The following FAM227A variants were observed in gnomAD, a reference collection of about 807,000 sequenced individuals.
The protein encoded by FAM227A is family with sequence similarity 227 member A, also known as protein FAM227A.
Under a neutral mutation model 74.7 loss-of-function variants are expected in FAM227A, and 80 were observed. The observed-to-expected ratio is 1.07, with a 90% CI of 0.89 to 1.29. The LOEUF (loss-of-function observed/expected upper bound fraction) is 1.29. FAM227A is among the 50% of genes most tolerant of loss of function. The pLI is 0.00. For synonymous variants in FAM227A, 237 were observed against 241.8 expected (o/e 0.98, Z 0.19); for missense variants, 654 against 683.4 (o/e 0.96, Z 0.48).
intron 13 of FAM227A, among the ~76,000 whole-genome samples, chr22:38,602,259 C>T (rs1408752527): frequency 6.6e-6 from 1 of 152,202 alleles, no homozygotes; most frequent in East Asian, 1.9e-4. Context: ...CTCCTGTGCA[C>T]TGTAGGATGC....
chr22:38,643,329 TAGTG>T (rs139669378), intron 3 of FAM227A, among the ~76,000 whole-genome samples: 44,338 of 147,120 alleles, frequency 0.3, 6,530 homozygotes, highest in East Asian at 0.36. Context: ...AAAAAAAAAA[TAGTG>T]GGTGGGGGTT....
chr22:38,647,125 T>G (rs2092253563), intron 2 of FAM227A, among the ~76,000 whole-genome samples: 1 of 146,070 alleles, frequency 6.8e-6, no homozygotes, highest in Non-Finnish European at 1.5e-5. Context: ...CTCCAGCCCG[T>G]GCGATGGTGC....
At chr22:38,635,122 T>C (rs2091978031) in intron 6 of FAM227A, among the ~76,000 whole-genome samples, 1 of 150,248 alleles carries the variant, frequency 6.7e-6, no homozygotes, top group African/African-American at 2.5e-5. Flanking sequence ...CACATGCCTG[T>C]AATCTCAGGC....
intron 6 of FAM227A, among the ~76,000 whole-genome samples, chr22:38,635,823 G>T (rs1341661942): frequency 6.6e-6 from 1 of 152,060 alleles, no homozygotes; most frequent in African/African-American, 2.4e-5. Flanking sequence ...AACCTAGCAA[G>T]ACCTCCTCTC....
rs1431610913 is a variant in FAM227A at position 38,620,111 on chromosome 22, G to A, written c.1038+101C>T. The A allele has an allele frequency of 5.1e-6, 4 of 790,296 alleles. No individual in the cohort carries two copies. In the African/African-American group the frequency reaches 7.0e-5, roughly 14 times the overall value. 49.0% of individuals were successfully genotyped at this position (790,296 alleles called of 1,614,324 possible). A position where few individuals can be genotyped will look rare whatever the true frequency, so the allele number is the denominator to read the frequency against. On this transcript the variant is annotated intron_variant, in intron 11 of 16. Coordinates refer to ENST00000535113, the MANE Select transcript of FAM227A (RefSeq NM_001013647.2). ...AGTGGACCTGGGCAAGGGGTACAGAGATGTGCAACTAACCGGAGGCCACTG... is the reference window on the plus strand; with the variant it reads ...AGTGGACCTGGGCAAGGGGTACAGAAATGTGCAACTAACCGGAGGCCACTG...
intron 2 of FAM227A, among the ~76,000 whole-genome samples, chr22:38,649,289 A>T (rs1033809961): frequency 9.2e-5 from 14 of 151,818 alleles, no homozygotes; most frequent in Non-Finnish European, 4.4e-5. Context: ...ATCTGGCCAG[A>T]TGCGGTGGCT....
At chr22:38,648,710 C>A (rs372949494) in intron 2 of FAM227A, among the ~76,000 whole-genome samples, 1 of 143,556 alleles carries the variant, frequency 7.0e-6, no homozygotes, top group Admixed American at 7.1e-5. Context: ...CGGTGGCTCA[C>A]GCCTGTAATC....
intron 16 of FAM227A, among the ~76,000 whole-genome samples, chr22:38,590,021 C>T (rs1433712520): frequency 3.3e-5 from 5 of 151,554 alleles, no homozygotes; most frequent in Admixed American, 6.6e-5. Flanking sequence ...CTGAGGCGGG[C>T]GGATCACCTG....
At chr22:38,636,725 G>T in intron 5 of FAM227A, 128 bp from the exon 6 acceptor site, 10 of 725,696 alleles carry the variant, frequency 1.4e-5, no homozygotes, top group South Asian at 6.7e-5. Flanking sequence ...AATGAGGGGT[G>T]TTTAGGATCC....
At chr22:38,617,075 G>A (rs533303777) in intron 11 of FAM227A, among the ~76,000 whole-genome samples, 13 of 152,220 alleles carry the variant, frequency 8.5e-5, no homozygotes, top group South Asian at 8.3e-4. Context: ...GAAGTGTTTC[G>A]AAGGTGGGAG....
At chr22:38,586,918 T>TC (rs1207157859) in intron 16 of FAM227A, among the ~76,000 whole-genome samples, 2 of 152,056 alleles carry the variant, frequency 1.3e-5, no homozygotes, top group Non-Finnish European at 2.9e-5. Flanking sequence ...GACCTCGTGA[T>TC]CCGCCTGCCT....
At chr22:38,641,697 C>G (rs1267195868) in intron 3 of FAM227A, among the ~76,000 whole-genome samples, 1 of 123,866 alleles carries the variant, frequency 8.1e-6, no homozygotes, top group Non-Finnish European at 1.7e-5. Flanking sequence ...TTAGTAGCGA[C>G]TTGTTGGTTG....
In FAM227A at chr22:38,607,407, T is replaced by C; in HGVS notation, c.1108A>G (p.Met370Val). 2 of 1,551,184 alleles carry C rather than the reference T, an allele frequency of 1.3e-6. No homozygotes were observed. The highest frequency in any genetic ancestry group is 1.4e-5 in the African/African-American group (1 of 73,090). ...AKQNSEKSLRMQNTAKEHHCQ... is the reference protein window; with the variant it reads ...AKQNSEKSLRVQNTAKEHHCQ... ...AATATACCTTTTGCAGTATTCTGCA[T>C]TCGTAAGCTTTTTTCTGAGTTCTGC... Residue 370 changes from methionine to valine, a missense_variant, in exon 12 of 17, where the codon ATG becomes GTG. Transcript: ENST00000535113.
At chr22:38,639,483 A>G in intron 4 of FAM227A, 172 bp downstream of exon 4, 1 of 699,548 alleles carries the variant, frequency 1.4e-6, no homozygotes, top group East Asian at 2.7e-5. Context: ...TCTAAATGGT[A>G]CTGCCCCTCC....
chr22:38,617,680 A>C (rs1243882186), intron 11 of FAM227A, among the ~76,000 whole-genome samples: 3 of 152,174 alleles, frequency 2.0e-5, no homozygotes, highest in Admixed American at 1.3e-4. Context: ...AGGTACTAGA[A>C]GTGGGAATGT....
At chr22:38,616,853 G>A (rs1280859254) in intron 11 of FAM227A, among the ~76,000 whole-genome samples, 3 of 151,928 alleles carry the variant, frequency 2.0e-5, no homozygotes, top group Admixed American at 6.6e-5. Flanking sequence ...GAGGGCCAAG[G>A]TTCAGAACAC....
intron 16 of FAM227A, among the ~76,000 whole-genome samples, chr22:38,586,730 G>A (rs1272374659): frequency 2.0e-5 from 3 of 151,986 alleles, no homozygotes; most frequent in Admixed American, 1.3e-4. Flanking sequence ...GTGCAGTGGC[G>A]CGATCTCAGC....
intron 16 of FAM227A, among the ~76,000 whole-genome samples, chr22:38,586,584 A>T (rs1291742501): frequency 1.3e-5 from 2 of 152,218 alleles, no homozygotes; most frequent in East Asian, 3.8e-4. Context: ...GAATCTTCAG[A>T]ATATTATTTG....
At chr22:38,622,927 G>A (rs1343255938) in intron 10 of FAM227A, among the ~76,000 whole-genome samples, 1 of 149,574 alleles carries the variant, frequency 6.7e-6, no homozygotes, top group East Asian at 2.0e-4. Context: ...ACAGTGCATG[G>A]CACACAGGTA....
Sources: allele counts gnomAD v4.1 joint callset (sites outside exome capture counted in the v4.1 genomes callset), GRCh38; gene constraint gnomAD v4.1.1; transcripts MANE v1.5; gene names NCBI Gene and HGNC (gene_info 2026-07-23, HGNC 2026-07-21).